The following FBXO34 variants were observed in gnomAD, a reference collection of about 807,000 sequenced individuals.
The protein encoded by FBXO34 is F-box only protein 34.
FBXO34 carries 12 observed loss-of-function variants against 24.5 expected under a neutral mutation model. The observed-to-expected ratio is 0.49, with a 90% CI of 0.31 to 0.79. FBXO34 has a LOEUF of 0.79. Ranked by LOEUF, FBXO34 falls within the 30% of genes least tolerant of loss-of-function variation. The pLI, the probability that FBXO34 is intolerant of heterozygous loss-of-function variation, is 0.04. For missense variants in FBXO34, 823 were observed against 857.7 expected (o/e 0.96, Z 0.51); for synonymous variants, 320 against 311.9 (o/e 1.03, Z -0.27).
At chr14:55,327,702 G>A (rs1033703192) in intron 1 of FBXO34, among the ~76,000 whole-genome samples, 1 of 152,074 alleles carries the variant, frequency 6.6e-6, no homozygotes, top group Non-Finnish European at 1.5e-5. Context: ...TGACATCCAA[G>A]TGGAGATTTC....
At chr14:55,417,666 T>TG in the FBXO34 span, among the ~76,000 whole-genome samples, 1 of 152,258 alleles carries the variant, frequency 6.6e-6, no homozygotes, top group African/African-American at 2.4e-5. Flanking sequence ...CTCGCTATGT[T>TG]GCCCAGGCTG....
chr14:55,343,515 C>G (rs112398604), intron 1 of FBXO34, among the ~76,000 whole-genome samples: 8,860 of 152,204 alleles, frequency 0.058, 328 homozygotes, highest in South Asian at 0.089. Flanking sequence ...TCCCAAAGTG[C>G]TGGGATTACT....
At chr14:55,305,413 CAAAA>C (rs200938451) in intron 1 of FBXO34, among the ~76,000 whole-genome samples, 9 of 84,518 alleles carry the variant, frequency 1.1e-4, no homozygotes, top group Non-Finnish European at 1.5e-4. Context: ...GACTGCATCT[CAAAA>C]AAAAAAAAAA....
chr14:55,351,708 G>C lies in FBXO34; in HGVS notation c.1318G>C (p.Val440Leu), dbSNP rs771303980. The change falls in exon 2 of 2, where the codon GTG (valine) becomes CTG (leucine). Residue 440 changes from valine to leucine, a missense_variant. By Grantham distance (32) the Val-to-Leu change is conservative (BLOSUM62 1). Around this residue, in one of 2 missense-constraint regions of FBXO34, gnomAD observed 693 missense variants for 659.1 expected, o/e 1.05. Coordinates refer to ENST00000313833, the MANE Select transcript of FBXO34 (RefSeq NM_017943.4). ...DAVDCMSREL[V>L]SLTSRNPDQR... ...TGTTGATTGTATGAGCAGAGAGCTT[G>C]TGTCCCTTACTAGCCGAAATCCTGA... 13 of 1,614,222 alleles carry C rather than the reference G, an allele frequency of 8.1e-6. No homozygotes were observed. The highest frequency in any genetic ancestry group is 1.6e-4 in the Middle Eastern group (1 of 6,062).
chr14:55,398,229 G>A, the FBXO34 span, among the ~76,000 whole-genome samples: 1 of 152,134 alleles, frequency 6.6e-6, no homozygotes, highest in Non-Finnish European at 1.5e-5. Flanking sequence ...GGGCTTACAG[G>A]TGTGAGCCAC....
chr14:55,429,042 T>G, the FBXO34 span: 1 of 1,564,322 alleles, frequency 6.4e-7, no homozygotes, highest in Non-Finnish European at 8.7e-7. Context: ...GGTGTTGTAT[T>G]GGATTGTTAC....
In FBXO34 at chr14:55,351,611, G is replaced by T. The variant is rs1308923014; in HGVS notation, c.1221G>T (p.Met407Ile). The change falls in exon 2 of 2, where the codon ATG becomes ATT. Residue 407 changes from methionine (M) to isoleucine (I), a missense_variant. Physicochemically the swap from Met to Ile is conservative, Grantham distance 10. Around this residue, in one of 2 missense-constraint regions of FBXO34, gnomAD observed 693 missense variants for 659.1 expected, o/e 1.05. Coordinates refer to ENST00000313833, the MANE Select transcript of FBXO34 (RefSeq NM_017943.4). Reference protein sequence around the residue: ...VKNSNRYDVEMTDELVGLPFS... With the variant: ...VKNSNRYDVEITDELVGLPFS... The stretch of plus-strand genomic sequence containing the variant: ...ACAGCAACAGATATGATGTGGAAAT[G>T]ACAGATGAACTCGTTGGGTTACCTT... 9.3e-6 allele frequency: 15 copies of T among 1,614,116 alleles called. No homozygotes were observed. In the Admixed American group the frequency reaches 2.5e-4, roughly 27 times the overall value.
At chr14:55,362,200 A>G (rs1282666647), downstream of FBXO34, among the ~76,000 whole-genome samples, 2 of 152,226 alleles carry the variant, frequency 1.3e-5, no homozygotes, top group Non-Finnish European at 2.9e-5. Context: ...GGGAATAAGG[A>G]GGCCCGAAGA....
At chr14:55,304,905 T>C (rs1882487190) in intron 1 of FBXO34, among the ~76,000 whole-genome samples, 1 of 152,262 alleles carries the variant, frequency 6.6e-6, no homozygotes, top group African/African-American at 2.4e-5. Flanking sequence ...AATATGTTTT[T>C]AACCTATTTT....
At chr14:55,339,878 T>C (rs892622488) in intron 1 of FBXO34, among the ~76,000 whole-genome samples, 1 of 152,134 alleles carries the variant, frequency 6.6e-6, no homozygotes, top group Admixed American at 6.5e-5. Context: ...CTTAGAGGCA[T>C]GTGGTAGAAG....
chr14:55,425,995 C>T, the FBXO34 span, among the ~76,000 whole-genome samples: 6 of 152,084 alleles, frequency 3.9e-5, no homozygotes, highest in Non-Finnish European at 7.4e-5. Context: ...GGGCCGGGTG[C>T]GGTGGCTCAC....
downstream of FBXO34, chr14:55,369,275 T>A (rs562377677): frequency 7.3e-5 from 13 of 178,210 alleles, no homozygotes; most frequent in Non-Finnish European, 1.4e-4. Context: ...ACCAGCACAC[T>A]GACCCATATC....
At chr14:55,411,567 C>G in the FBXO34 span, 1 of 1,573,360 alleles carries the variant, frequency 6.4e-7, no homozygotes, top group Non-Finnish European at 8.6e-7. Flanking sequence ...GGACACACAG[C>G]AGAAGAAACA....
rs1882734576 is a variant in FBXO34, at chr14:55,311,375, G to A, written c.-10-39006G>A. On this transcript the variant is annotated intron_variant, in intron 1 of 1. Coordinates refer to ENST00000313833, the MANE Select transcript of FBXO34 (RefSeq NM_017943.4). Reference sequence around the variant, plus strand: ...TATAATTCAAGATAAGAGTTGGGTGGGAACACAAAGCCCAACCATATCATT... The same window carrying A: ...TATAATTCAAGATAAGAGTTGGGTGAGAACACAAAGCCCAACCATATCATT... Among the ~76,000 whole-genome samples the A allele has an allele frequency of 2.0e-5, 3 of 152,062 alleles. No homozygotes were observed. The South Asian group carries it at 6.2e-4, about 32-fold the overall frequency.
the FBXO34 span, among the ~76,000 whole-genome samples, chr14:55,401,469 T>A: frequency 1.3e-5 from 2 of 152,202 alleles, no homozygotes; most frequent in Non-Finnish European, 2.9e-5. Flanking sequence ...AGTGAACCTG[T>A]TCCATGCCTG....
At chr14:55,341,248 A>C (rs560297839) in intron 1 of FBXO34, among the ~76,000 whole-genome samples, 1 of 152,334 alleles carries the variant, frequency 6.6e-6, no homozygotes, top group African/African-American at 2.4e-5. Context: ...GCTGAAGACA[A>C]GCCAGGGTGA....
At chr14:55,369,458 A>C (rs1884760968), downstream of FBXO34, 7 of 661,994 alleles carry the variant, frequency 1.1e-5, no homozygotes, top group South Asian at 1.8e-4. Flanking sequence ...GCCACTTGGC[A>C]AATAGAAATG....
chr14:55,280,748 G>A (rs568801624), intron 1 of FBXO34, among the ~76,000 whole-genome samples: 1 of 151,910 alleles, frequency 6.6e-6, no homozygotes, highest in Admixed American at 6.6e-5. Context: ...GGATGGTCTC[G>A]ATCTCCTGAC....
At chr14:55,411,346 C>G in the FBXO34 span, among the ~76,000 whole-genome samples, 1 of 152,178 alleles carries the variant, frequency 6.6e-6, no homozygotes, top group Non-Finnish European at 1.5e-5. Flanking sequence ...TCCTTTTTTC[C>G]CCAGTGACCA....
Sources: allele counts gnomAD v4.1 joint callset (sites outside exome capture counted in the v4.1 genomes callset), GRCh38; gene constraint gnomAD v4.1.1; regional missense constraint gnomAD v4.1.1; transcripts MANE v1.5; gene names NCBI Gene and HGNC (gene_info 2026-07-23, HGNC 2026-07-21).